The following PTPRG variants were observed in gnomAD, a reference collection of about 807,000 sequenced individuals.
PTPRG encodes the protein receptor-type tyrosine-protein phosphatase gamma.
In PTPRG, 102 loss-of-function variants were observed where a neutral mutation model predicts 165.3. The ratio of observed to expected loss-of-function variants is 0.62; its 90% confidence interval spans 0.53 to 0.73. The LOEUF (loss-of-function observed/expected upper bound fraction) is 0.73, where lower values mean the gene tolerates loss of function less well. Among genes scored for constraint, PTPRG ranks in the 30% least tolerant of loss-of-function variants. The probability of loss-of-function intolerance (pLI) is 0.00; values close to 1 mark genes in which losing one functional copy is unlikely to be tolerated. For synonymous variants in PTPRG, 675 were observed against 669.5 expected, an observed-to-expected ratio of 1.01 and a Z score of -0.13; for missense variants, 1,866 against 1,861.4, an observed-to-expected ratio of 1.00 and a Z score of -0.05.
chr3:62,163,271 T>A (rs1468948076), intron 7 of PTPRG, among the ~76,000 whole-genome samples: 1 of 152,132 alleles, frequency 6.6e-6, no homozygotes, highest in African/African-American at 2.4e-5. Context: ...ACTCAATGCC[T>A]CTAAGCCCAA....
At chr3:62,129,324 G>A (rs1260507745) in intron 5 of PTPRG, among the ~76,000 whole-genome samples, 1 of 151,904 alleles carries the variant, frequency 6.6e-6, no homozygotes, top group African/African-American at 2.4e-5. Context: ...CTTTCTTTGA[G>A]CCTTCACATT....
intron 24 of PTPRG, 89 bp downstream of exon 24, chr3:62,276,055 G>A: frequency 3.2e-6 from 3 of 948,244 alleles, no homozygotes; most frequent in Non-Finnish European, 4.8e-6. Flanking sequence ...GCTATTGATA[G>A]CACCCTTCAA....
chr3:61,870,074 T>C (rs1335417288), intron 2 of PTPRG, among the ~76,000 whole-genome samples: 2 of 152,086 alleles, frequency 1.3e-5, no homozygotes, highest in Non-Finnish European at 2.9e-5. Context: ...CCCAGTACCA[T>C]CACCTTGGGG....
Position 62,255,783 on chromosome 3 carries a change from G to A in PTPRG, c.2559+568G>A, listed in dbSNP as rs1347840859. Among the ~76,000 whole-genome samples the A allele has an allele frequency of 6.6e-6, 1 of 152,180 alleles. No homozygotes were observed. Among genetic ancestry groups the A allele is most frequent in the African/African-American group, 2.4e-5 (1 of 41,448 alleles). On this transcript the variant is annotated intron_variant, in intron 16 of 29. Transcript: ENST00000474889. The surrounding 1 kb of genome is among the most constrained non-coding windows in gnomAD (Gnocchi z 4.0). Reference sequence around the variant, plus strand: ...TGCCAAGTTCATTGTTAAGAACCATGCAAAGGTTGACTGTTGTTGTTTTCA... The same window carrying A: ...TGCCAAGTTCATTGTTAAGAACCATACAAAGGTTGACTGTTGTTGTTTTCA...
At chr3:62,142,791 G>A (rs1703978560) in intron 6 of PTPRG, among the ~76,000 whole-genome samples, 1 of 152,194 alleles carries the variant, frequency 6.6e-6, no homozygotes, top group African/African-American at 2.4e-5. Context: ...AAACAAAGGG[G>A]ATGGGTTGTC....
intron 6 of PTPRG, 70 bp downstream of exon 6, chr3:62,132,738 G>T (rs186087981): frequency 1.4e-6 from 2 of 1,381,814 alleles, no homozygotes; most frequent in Non-Finnish European, 2.1e-6. Flanking sequence ...AAAGAATCAG[G>T]TTATCTTGCA....
chr3:62,144,333 C>T (rs1398453233), intron 6 of PTPRG, among the ~76,000 whole-genome samples: 2 of 152,198 alleles, frequency 1.3e-5, no homozygotes, highest in Admixed American at 1.3e-4. Flanking sequence ...CTAGGCTTTA[C>T]AGAGATAGGT....
chr3:61,905,586 C>T (rs900821992), intron 2 of PTPRG, among the ~76,000 whole-genome samples: 3 of 152,130 alleles, frequency 2.0e-5, no homozygotes, highest in Non-Finnish European at 4.4e-5. Flanking sequence ...AAATTCAATC[C>T]CCAGGAGTAT....
rs779078391 is a variant in PTPRG at position 62,203,930 on chromosome 3, G to A, written c.2135G>A (p.Arg712Lys). ...SRGDRFSEDS[R>K]FITVNPAEKN... ...GGGGACCGATTTTCTGAAGACAGCA[G>A]ATTTATCACTGTTAATCCAGGTAAG... Residue 712 changes from arginine (R) to lysine (K), a missense_variant, in exon 12 of 30, where the codon AGA (arginine) becomes AAA (lysine). By Grantham distance (26) the Arg-to-Lys change is conservative (BLOSUM62 2). Around this residue, in one of 3 missense-constraint regions of PTPRG, gnomAD observed 1,452 missense variants for 1,463.0 expected, o/e 0.99. Coordinates refer to ENST00000474889, the MANE Select transcript of PTPRG (RefSeq NM_002841.4). This position sits in a 1 kb window ranked among gnomAD's most constrained non-coding sequence, Gnocchi z 6.4. The A allele has an allele frequency of 3.8e-6, 6 of 1,587,374 alleles. No homozygotes were observed. The Admixed American group carries it at 5.2e-5, about 14-fold the overall frequency.
chr3:61,757,861 C>T (rs1354698683), intron 2 of PTPRG, among the ~76,000 whole-genome samples: 6 of 151,976 alleles, frequency 3.9e-5, no homozygotes, highest in African/African-American at 9.7e-5. Flanking sequence ...GAGGGGTGTG[C>T]GCGTGGGTGG....
chr3:62,004,771 T>C (rs1395152457), intron 4 of PTPRG, among the ~76,000 whole-genome samples: 1 of 152,238 alleles, frequency 6.6e-6, no homozygotes, highest in East Asian at 1.9e-4. Flanking sequence ...ACTGGTAACA[T>C]ATGTTAATCA....
intron 2 of PTPRG, among the ~76,000 whole-genome samples, chr3:61,776,399 A>G (rs1465037169): frequency 6.6e-6 from 1 of 152,184 alleles, no homozygotes; most frequent in Non-Finnish European, 1.5e-5. Context: ...TAAAATCAAC[A>G]CAGGCGCTTT....
intron 19 of PTPRG, 131 bp from the exon 20 acceptor site, chr3:62,268,904 T>C (rs1701970084): frequency 9.8e-7 from 1 of 1,017,506 alleles, no homozygotes; most frequent in Admixed American, 3.1e-5. Flanking sequence ...GCAGTTAAAC[T>C]CACGTATTCC....
In PTPRG at chr3:62,014,687, T is replaced by A. The variant is rs1404265983; in HGVS notation, c.519+11190T>A. 5.9e-5 allele frequency among the ~76,000 whole-genome samples: 9 copies of A among 152,218 alleles called. No individual in the cohort carries two copies. In the East Asian group the frequency reaches 1.7e-3, roughly 29 times the overall value. On this transcript the variant is annotated intron_variant, in intron 4 of 29. Coordinates refer to ENST00000474889, the MANE Select transcript of PTPRG (RefSeq NM_002841.4). ...GCACTCCCCTTGCTATTTCTTAGCCTGCCTCTGTGTTTGCTTCTTTGAATT... is the reference window on the plus strand; with the variant it reads ...GCACTCCCCTTGCTATTTCTTAGCCAGCCTCTGTGTTTGCTTCTTTGAATT...
chr3:62,268,961 C>T lies in PTPRG; in HGVS notation c.2875-74C>T, dbSNP rs1701973013. 4 of 1,386,128 alleles carry T rather than the reference C, an allele frequency of 2.9e-6. No homozygotes were observed. The Admixed American group carries it at 7.1e-5, about 24-fold the overall frequency. The allele number at this position is 1,386,128 out of a possible 1,614,324, so 85.9% of individuals were successfully genotyped here. A position where few individuals can be genotyped will look rare whatever the true frequency, so the allele number is the denominator to read the frequency against. On this transcript the variant is annotated intron_variant, in intron 19 of 29. Coordinates refer to ENST00000474889, the MANE Select transcript of PTPRG (RefSeq NM_002841.4). Reference sequence around the variant, plus strand: ...AATCTCACCTGTGTTTTAACATTGTCGTTTGAAATTACATTATCAACAGAA... The same window carrying T: ...AATCTCACCTGTGTTTTAACATTGTTGTTTGAAATTACATTATCAACAGAA...
chr3:61,975,496 C>A (rs1271500450), intron 2 of PTPRG, among the ~76,000 whole-genome samples: 1 of 152,092 alleles, frequency 6.6e-6, no homozygotes, highest in Admixed American at 6.6e-5. Flanking sequence ...TAATGAGGTT[C>A]TTCACTGCAA....
At chr3:61,802,001 G>A (rs540920746) in intron 2 of PTPRG, among the ~76,000 whole-genome samples, 17 of 143,590 alleles carry the variant, frequency 1.2e-4, no homozygotes, top group Non-Finnish European at 2.1e-4. Context: ...CTCCAGCCTG[G>A]CCAACAGAGC....
At chr3:61,793,269 T>C (rs1196943488) in intron 2 of PTPRG, among the ~76,000 whole-genome samples, 1 of 152,220 alleles carries the variant, frequency 6.6e-6, no homozygotes, top group African/African-American at 2.4e-5. Context: ...AATGGATATG[T>C]CACCTGGGCT....
intron 2 of PTPRG, among the ~76,000 whole-genome samples, chr3:61,812,191 A>G (rs1047740214): frequency 1.3e-5 from 2 of 151,296 alleles, no homozygotes; most frequent in East Asian, 2.0e-4. Flanking sequence ...TCTTCCTGGT[A>G]TCTACAGTTG....
Sources: gnomAD v4.1 joint callset for allele counts (sites outside exome capture counted in the v4.1 genomes callset) on GRCh38, gnomAD v4.1.1 for gene constraint, gnomAD v4.1.1 regional missense constraint, Gnocchi (gnomAD v3.1) non-coding constraint, MANE v1.5 for transcripts, NCBI Gene and HGNC (gene_info 2026-07-23, HGNC 2026-07-21) for gene names.